Variants in USH2A observed in about 807,000 individuals in gnomAD.
USH2A encodes usherin.
A neutral mutation model predicts 538.9 loss-of-function variants in USH2A; 443 were observed. The ratio of observed to expected loss-of-function variants is 0.82; its 90% CI spans 0.76 to 0.89. The LOEUF is 0.89. Ranked by LOEUF, USH2A falls within the 40% of genes least tolerant of loss-of-function variation. The probability of loss-of-function intolerance (pLI) is 0.00; values close to 1 mark genes in which losing one functional copy is unlikely to be tolerated. For synonymous variants in USH2A, 2,413 were observed against 2,273.5 expected, an observed-to-expected ratio of 1.06 and a Z score of -1.75; for missense variants, 6,633 against 6,324.8, an observed-to-expected ratio of 1.05 and a Z score of -1.65.
At chr1:216,149,527 C>T (rs892310624) in intron 21 of USH2A, among the ~76,000 whole-genome samples, 1 of 152,180 alleles carries the variant, frequency 6.6e-6, no homozygotes, top group Non-Finnish European at 1.5e-5. Context: ...GTACTTTTAC[C>T]TCTTGCTCTT....
In USH2A at chr1:215,799,054, T is replaced by C; in HGVS notation, c.9811A>G (p.Met3271Val). 1 of 1,614,114 alleles carries C rather than the reference T, an allele frequency of 6.2e-7. No individual in the cohort carries two copies. The highest frequency in any genetic ancestry group is 8.5e-7 in the Non-Finnish European group (1 of 1,180,012). Residue 3271 changes from methionine (M) to valine (V), a missense_variant, in exon 50 of 72, where the codon ATG becomes GTG. Physicochemically the swap from Met to Val is conservative, Grantham distance 21 (BLOSUM62 1). Transcript: ENST00000307340. ...TGGTTTCCTGAGGTGGAGTACGGCA[T>C]TCTGCCACAGCAGGAATCACCAATG... ...VGIGDSCCGR[M>V]PYSTSGNQIC...
At chr1:216,284,380 C>G (rs552859253) in intron 11 of USH2A, among the ~76,000 whole-genome samples, 1 of 152,012 alleles carries the variant, frequency 6.6e-6, no homozygotes, top group African/African-American at 2.4e-5. Flanking sequence ...GGAACTTTCC[C>G]CCACCCTCAC....
At chr1:215,980,012 G>A (rs767851741) in intron 35 of USH2A, among the ~76,000 whole-genome samples, 1 of 152,144 alleles carries the variant, frequency 6.6e-6, no homozygotes, top group Non-Finnish European at 1.5e-5. Flanking sequence ...GACATTGGGA[G>A]AAACTGAATT....
In USH2A at chr1:216,192,629, G is replaced by T. The variant is rs181489170; in HGVS notation, c.4252-2262C>A. Among the ~76,000 whole-genome samples the T allele has an allele frequency of 1.2e-4, 18 of 152,138 alleles. No individual in the cohort carries two copies. The East Asian group carries it at 3.5e-3, about 29-fold the overall frequency. On this transcript the variant is annotated intron_variant, in intron 19 of 71. Transcript: ENST00000307340. ...AAGCACAAGAATTGCTTGAACCCAGGAAGAGAAGATTGCAGTGAACTGAGA... is the reference window on the plus strand; with the variant it reads ...AAGCACAAGAATTGCTTGAACCCAGTAAGAGAAGATTGCAGTGAACTGAGA...
At chr1:216,312,284 C>T (rs958773283) in intron 9 of USH2A, among the ~76,000 whole-genome samples, 6 of 151,922 alleles carry the variant, frequency 3.9e-5, no homozygotes, top group Non-Finnish European at 8.8e-5. Context: ...GCTAGATGTT[C>T]CCCCTTCAGC....
At position 216,000,343 on chromosome 1, in the gene USH2A, T is replaced by C. The variant is rs1275442068; in HGVS notation, c.6485+60A>G. ...TTTATGTCACAAGCTCCTCCCCTGATTGAACTCACTGAGATTCTTGCATGA... is the reference window on the plus strand; with the variant it reads ...TTTATGTCACAAGCTCCTCCCCTGACTGAACTCACTGAGATTCTTGCATGA... On this transcript the variant is annotated intron_variant, in intron 33 of 71. Coordinates refer to ENST00000307340, the MANE Select transcript of USH2A (RefSeq NM_206933.4). 4 of 1,605,958 alleles carry C rather than the reference T, an allele frequency of 2.5e-6. No individual in the cohort carries two copies. The East Asian group carries it at 8.9e-5, about 36-fold the overall frequency.
chr1:215,804,563 G>A lies in USH2A; in HGVS notation c.9740-5438C>T, dbSNP rs1272404247. 1.4e-5 allele frequency among the ~76,000 whole-genome samples: 2 copies of A among 147,960 alleles called. 1 individual carries two copies. Among genetic ancestry groups the A allele is most frequent in the African/African-American group, 5.2e-5 (2 of 38,830 alleles). ...CATCATCACTGGGCATCAGAGAAAT[G>A]CAAGTCAAAACCACAATGAGATACT... On this transcript the variant is annotated intron_variant, in intron 49 of 71. Coordinates refer to ENST00000307340, the MANE Select transcript of USH2A (RefSeq NM_206933.4).
At chr1:216,091,266 C>T (rs1288306756) in intron 22 of USH2A, among the ~76,000 whole-genome samples, 2 of 152,148 alleles carry the variant, frequency 1.3e-5, no homozygotes, top group African/African-American at 2.4e-5. Context: ...CTTTCATTTT[C>T]ACAGCTTCCT....
intron 3 of USH2A, among the ~76,000 whole-genome samples, chr1:216,397,079 G>A (rs1477335641): frequency 6.6e-6 from 1 of 152,180 alleles, no homozygotes; most frequent in Non-Finnish European, 1.5e-5. Flanking sequence ...TCCACCAGGA[G>A]TGGTAGTTGC....
At chr1:216,118,672 C>A (rs1397286319) in intron 21 of USH2A, among the ~76,000 whole-genome samples, 3 of 152,200 alleles carry the variant, frequency 2.0e-5, no homozygotes, top group African/African-American at 7.2e-5. Flanking sequence ...TGTTTTTTAT[C>A]TTTAGTTAAC....
chr1:215,798,927 A>G lies in USH2A; in HGVS notation c.9938T>C (p.Val3313Ala). The G allele has an allele frequency of 6.2e-7, 1 of 1,613,704 alleles. No individual in the cohort carries two copies. The highest frequency in any genetic ancestry group is 8.5e-7 in the Non-Finnish European group (1 of 1,179,912). Residue 3313 changes from valine (V) to alanine (A), a missense_variant, in exon 50 of 72, where the codon GTG becomes GCG. Transcript: ENST00000307340. The part of the protein sequence containing the change: ...DLECCGGEEG[V>A]VYNRLPGMFC... ...CTTACCTGGAAGGCGATTGTACACC[A>G]CTCCTTCTTCTCCACCACAACACTC...
chr1:216,071,097 CAAAG>C (rs2031543401), intron 29 of USH2A, among the ~76,000 whole-genome samples: 1 of 152,212 alleles, frequency 6.6e-6, no homozygotes, highest in African/African-American at 2.4e-5. Context: ...ACTGGGGACA[CAAAG>C]AAAGAGCCCA....
chr1:215,909,958 T>C (rs1280700721), intron 38 of USH2A, among the ~76,000 whole-genome samples: 1 of 151,980 alleles, frequency 6.6e-6, no homozygotes, highest in Non-Finnish European at 1.5e-5. Flanking sequence ...TTGCCTAAGA[T>C]ATTTTTAGAA....
At chr1:216,183,697 T>C (rs1195973432) in intron 20 of USH2A, among the ~76,000 whole-genome samples, 1 of 152,034 alleles carries the variant, frequency 6.6e-6, no homozygotes, top group East Asian at 1.9e-4. Context: ...TATAAATCTC[T>C]AGGAGTGCTG....
At chr1:216,071,736 C>A (rs979289644) in intron 29 of USH2A, among the ~76,000 whole-genome samples, 21 of 152,096 alleles carry the variant, frequency 1.4e-4, no homozygotes, top group Non-Finnish European at 2.9e-4. Context: ...TCAAAGCGGG[C>A]TTTATATTTG....
At chr1:215,980,344 A>G (rs1667721831) in intron 35 of USH2A, among the ~76,000 whole-genome samples, 1 of 152,198 alleles carries the variant, frequency 6.6e-6, no homozygotes, top group Non-Finnish European at 1.5e-5. Context: ...TGGTAGAGCT[A>G]TGTGTCGGCA....
At chr1:216,222,871 G>A (rs1189018060) in intron 14 of USH2A, among the ~76,000 whole-genome samples, 2 of 151,688 alleles carry the variant, frequency 1.3e-5, no homozygotes, top group South Asian at 2.1e-4. Context: ...ACAGCTACTC[G>A]GGAGGCTGAG....
intron 32 of USH2A, 121 bp from the exon 33 acceptor site, chr1:216,000,683 A>C (rs1434225739): frequency 2.4e-6 from 3 of 1,243,148 alleles, no homozygotes; most frequent in Admixed American, 1.9e-5. Flanking sequence ...ATATGAATAA[A>C]TAGCCATAAA....
intron 32 of USH2A, among the ~76,000 whole-genome samples, 179 bp from the exon 33 acceptor site, chr1:216,000,741 T>G (rs541458614): frequency 6.6e-6 from 1 of 152,174 alleles, no homozygotes; most frequent in Non-Finnish European, 1.5e-5. Flanking sequence ...AAATATACTT[T>G]GGTTATGTTT....
Sources: allele counts gnomAD v4.1 joint callset (sites outside exome capture counted in the v4.1 genomes callset), GRCh38; gene constraint gnomAD v4.1.1; transcripts MANE v1.5; gene names NCBI Gene and HGNC (gene_info 2026-07-23, HGNC 2026-07-21).